Variants in TRPM7 observed in about 807,000 individuals in gnomAD.
The protein encoded by TRPM7 is transient receptor potential cation channel subfamily M member 7.
TRPM7 carries 134 observed loss-of-function variants against 229.7 expected under a neutral mutation model. The ratio of observed to expected loss-of-function variants is 0.58; its 90% CI spans 0.51 to 0.67. The LOEUF is 0.67. Among genes scored for constraint, TRPM7 ranks in the 30% least tolerant of loss-of-function variants. The pLI is 0.00. For missense variants in TRPM7, 1,901 were observed against 2,210.0 expected, an observed-to-expected ratio of 0.86 and a Z score of 2.80; for synonymous variants, 699 against 715.2, an observed-to-expected ratio of 0.98 and a Z score of 0.36.
At chr15:50,589,917 G>A (rs1376671367) in intron 26 of TRPM7, among the ~76,000 whole-genome samples, 1 of 151,986 alleles carries the variant, frequency 6.6e-6, no homozygotes, top group African/African-American at 2.4e-5. Flanking sequence ...GAGTGCAGTG[G>A]TGTGACCTTG....
intron 4 of TRPM7, among the ~76,000 whole-genome samples, chr15:50,643,820 T>C (rs985654866): frequency 3.9e-5 from 6 of 152,210 alleles, no homozygotes; most frequent in African/African-American, 1.4e-4. Context: ...TTAAACTCAA[T>C]TACCATTGAC....
At chr15:50,617,240 T>C (rs536849413) in intron 13 of TRPM7, among the ~76,000 whole-genome samples, 11 of 150,170 alleles carry the variant, frequency 7.3e-5, no homozygotes, top group South Asian at 4.2e-4. Flanking sequence ...GGGAGGCTGA[T>C]AGGAGAATTG....
At chr15:50,678,745 T>A (rs2062161063) in intron 1 of TRPM7, among the ~76,000 whole-genome samples, 1 of 152,018 alleles carries the variant, frequency 6.6e-6, no homozygotes, top group Non-Finnish European at 1.5e-5. Flanking sequence ...TTTAAAAACT[T>A]AAGGCCAGGT....
At chr15:50,572,673 A>C (rs974766742) in intron 36 of TRPM7, among the ~76,000 whole-genome samples, 1 of 152,232 alleles carries the variant, frequency 6.6e-6, no homozygotes. Context: ...CCTAACTCAT[A>C]ATGGACATCA....
Position 50,558,682 on chromosome 15 carries a change from G to C in TRPM7, c.*2996C>G, listed in dbSNP as rs567974930. 1 of 151,808 alleles carries C rather than the reference G, an allele frequency of 6.6e-6. No homozygotes were observed. The highest frequency in any genetic ancestry group is 2.1e-4 in the South Asian group (1 of 4,794). 9.4% of individuals were successfully genotyped at this position (151,808 alleles called of 1,614,324 possible). Reference sequence around the variant, plus strand: ...TACTCCGGCCTGGGCAACAGAGTGAGACTTCAACTCAAAAAAACAAAAATA... The same window carrying C: ...TACTCCGGCCTGGGCAACAGAGTGACACTTCAACTCAAAAAAACAAAAATA... On this transcript the variant is annotated 3_prime_UTR_variant, in exon 39 of 39. Coordinates refer to ENST00000646667, the MANE Select transcript of TRPM7 (RefSeq NM_017672.6).
intron 1 of TRPM7, among the ~76,000 whole-genome samples, chr15:50,664,023 C>T (rs1416404951): frequency 5.9e-5 from 9 of 151,826 alleles, no homozygotes; most frequent in South Asian, 2.1e-4. Context: ...GATTTGGCCG[C>T]GTGCGGTGGC....
In TRPM7 at chr15:50,592,357, C is replaced by A; in HGVS notation, c.3878G>T (p.Gly1293Val). The change falls in exon 26 of 39, where the codon GGT becomes GTT. Residue 1293 changes from glycine to valine, a missense_variant. Around this residue, in one of 8 missense-constraint regions of TRPM7, gnomAD observed 533 missense variants for 497.1 expected, o/e 1.07. Transcript: ENST00000646667. ...PVRPSVWKKH[G>V]VVNTLSSSLP... ...AGAGGAGCTAAGTGTATTTACAACA[C>A]CATGCTTTTTCCATACAGAAGGTCT... 6.2e-7 allele frequency: 1 copy of A among 1,614,114 alleles called. No individual in the cohort carries two copies. The highest frequency in any genetic ancestry group is 8.5e-7 in the Non-Finnish European group (1 of 1,180,006).
intron 3 of TRPM7, among the ~76,000 whole-genome samples, chr15:50,654,182 A>C (rs972723600): frequency 6.6e-5 from 10 of 152,116 alleles, no homozygotes; most frequent in Non-Finnish European, 1.5e-4. Context: ...GGGTGCAGTG[A>C]CTCACACCAT....
In TRPM7 at chr15:50,560,265, T is replaced by C. The variant is rs1301731326; in HGVS notation, c.*1413A>G. The C allele has an allele frequency of 1.3e-5, 2 of 152,566 alleles. No individual in the cohort carries two copies. Among genetic ancestry groups the C allele is most frequent in the African/African-American group, 4.8e-5 (2 of 41,432 alleles). 9.5% of individuals were successfully genotyped at this position (152,566 alleles called of 1,614,324 possible). A position where few individuals can be genotyped will look rare whatever the true frequency, so the allele number is the denominator to read the frequency against. ...TGACACCCTGAAAATGTCAGATAATTTTTCAGAATGATTAAACTCACTAAA... is the reference window on the plus strand; with the variant it reads ...TGACACCCTGAAAATGTCAGATAATCTTTCAGAATGATTAAACTCACTAAA... On this transcript the variant is annotated 3_prime_UTR_variant, in exon 39 of 39. Transcript: ENST00000646667.
chr15:50,678,022 G>A (rs1208808558), intron 1 of TRPM7, among the ~76,000 whole-genome samples: 2 of 151,440 alleles, frequency 1.3e-5, no homozygotes, highest in Non-Finnish European at 2.9e-5. Context: ...GGCGGATCAC[G>A]AGGTCAGGAG....
intron 21 of TRPM7, among the ~76,000 whole-genome samples, chr15:50,603,375 G>A (rs1035610823): frequency 1.3e-5 from 2 of 151,492 alleles, no homozygotes; most frequent in East Asian, 3.9e-4. Context: ...GTGCAGGTTT[G>A]TTACATATGT....
chr15:50,609,590 C>T lies in TRPM7; in HGVS notation c.2571G>A (p.Trp857Ter). The T allele has an allele frequency of 6.2e-7, 1 of 1,602,418 alleles. No homozygotes were observed. The highest frequency in any genetic ancestry group is 1.1e-5 in the South Asian group (1 of 87,832). Residue 857 changes from tryptophan (W) to a stop codon, truncating the protein, a stop_gained, in exon 19 of 39, where the codon TGG becomes TGA. Transcript: ENST00000646667. LOFTEE classifies it high-confidence loss of function. The stretch of plus-strand genomic sequence containing the variant: ...TAATTTAAAAACATACCGTGTTAAA[C>T]CAGAATTTTACAATTGGTGCATGAT... ...AFYHAPIVKF[W>*]FNTLAYLGFL...
chr15:50,679,538 A>ATATATAT (rs1400383980), intron 1 of TRPM7, among the ~76,000 whole-genome samples: 29 of 43,894 alleles, frequency 6.6e-4, no homozygotes, highest in African/African-American at 2.8e-3. Context: ...ATATATATAT[A>ATATATAT]TTTTTTTTTT....
rs1047763636 is a variant in TRPM7 at position 50,612,599 on chromosome 15, C to T, written c.2001G>A (p.Lys667=). The stretch of plus-strand genomic sequence containing the variant: ...AAGTATCATCTACCAGGTCACTCTG[C>T]TTTGCTTCATATGCCATTGAACGAT... The part of the protein sequence containing the change: ...KIYRSMAYEA[K]QSDLVDDTSE... Residue 667 remains lysine, a synonymous_variant, in exon 16 of 39, where the codon AAG becomes AAA. Coordinates refer to ENST00000646667, the MANE Select transcript of TRPM7 (RefSeq NM_017672.6). The T allele has an allele frequency of 5.0e-6, 8 of 1,613,978 alleles. No individual in the cohort carries two copies. Among genetic ancestry groups the T allele is most frequent in the African/African-American group, 1.3e-5 (1 of 74,926 alleles).
At chr15:50,635,594 C>T (rs1319554292) in intron 7 of TRPM7, among the ~76,000 whole-genome samples, 2 of 141,250 alleles carry the variant, frequency 1.4e-5, no homozygotes, top group South Asian at 2.2e-4. Flanking sequence ...ACCCGGGAGG[C>T]GAAAGTTGCA....
At chr15:50,574,157 A>G in intron 36 of TRPM7, 117 bp downstream of exon 36, 1 of 800,480 alleles carries the variant, frequency 1.2e-6, no homozygotes. Flanking sequence ...TTGCTTTTTT[A>G]TAGCTTCTAT....
rs2059343862 is a variant in TRPM7, at chr15:50,586,381, A to C, written c.4486+11T>G. 1 of 1,567,610 alleles carries C rather than the reference A, an allele frequency of 6.4e-7. No homozygotes were observed. Among genetic ancestry groups the C allele is most frequent in the African/African-American group, 1.4e-5 (1 of 74,030 alleles). On this transcript the variant is annotated intron_variant, in intron 28 of 38. Transcript: ENST00000646667. ...GTTTTCTGACACTATTCATATGGTC[A>C]AAATACTCACCTTGTTTTGAATGAA...
At chr15:50,655,000 C>CAAAAAAAA (rs35388005) in intron 3 of TRPM7, among the ~76,000 whole-genome samples, 1 of 69,446 alleles carries the variant, frequency 1.4e-5, no homozygotes, top group Non-Finnish European at 2.7e-5. Flanking sequence ...CACTCCGTCT[C>CAAAAAAAA]AAAAAAAAAA....
At chr15:50,678,101 C>T (rs1299097024) in intron 1 of TRPM7, among the ~76,000 whole-genome samples, 5 of 150,942 alleles carry the variant, frequency 3.3e-5, no homozygotes, top group East Asian at 2.0e-4. Context: ...ATCAGCCGGG[C>T]GTGGTGGTGG....
Sources: gnomAD v4.1 joint callset for allele counts (sites outside exome capture counted in the v4.1 genomes callset) on GRCh38, gnomAD v4.1.1 for gene constraint, gnomAD v4.1.1 regional missense constraint, MANE v1.5 for transcripts, NCBI Gene and HGNC (gene_info 2026-07-23, HGNC 2026-07-21) for gene names.